The following COPB1 variants were observed in gnomAD, a reference collection of about 807,000 sequenced individuals.
The protein encoded by COPB1 is coatomer subunit beta.
In COPB1, 21 loss-of-function variants were observed where a neutral mutation model predicts 108.7. The ratio of observed to expected loss-of-function variants is 0.19; its 90% confidence interval spans 0.14 to 0.28. COPB1 has a LOEUF of 0.28. Ranked by LOEUF, COPB1 falls within the 10% of genes least tolerant of loss-of-function variation. The pLI is 1.00. For missense variants in COPB1, 919 were observed against 1,141.3 expected, an observed-to-expected ratio of 0.81 and a Z score of 2.81; for synonymous variants, 378 against 386.8, an observed-to-expected ratio of 0.98 and a Z score of 0.27.
chr11:14,458,071 C>G (rs1850066383), intron 21 of COPB1, among the ~76,000 whole-genome samples, 188 bp from the exon 22 acceptor site: 1 of 134,132 alleles, frequency 7.5e-6, no homozygotes, highest in African/African-American at 2.8e-5. Context: ...AAGCCGTCAC[C>G]AGATTTTTTT....
chr11:14,497,122 G>A (rs1478284312), intron 2 of COPB1, among the ~76,000 whole-genome samples: 1 of 152,154 alleles, frequency 6.6e-6, no homozygotes, highest in Non-Finnish European at 1.5e-5. Flanking sequence ...CCAGGACGCT[G>A]GTCTGGCCAA....
intron 14 of COPB1, among the ~76,000 whole-genome samples, chr11:14,471,947 G>A (rs1022160579): frequency 9.9e-5 from 15 of 152,108 alleles, no homozygotes; most frequent in African/African-American, 3.6e-4. Flanking sequence ...TTTAGATCAA[G>A]CTGTTAGTCT....
intron 17 of COPB1, among the ~76,000 whole-genome samples, chr11:14,466,028 A>C (rs1850273753): frequency 6.6e-6 from 1 of 152,252 alleles, no homozygotes; most frequent in Admixed American, 6.5e-5. Flanking sequence ...ATAACTAGAA[A>C]TACTGACATT....
At chr11:14,492,180 C>T (rs1850918766) in intron 4 of COPB1, among the ~76,000 whole-genome samples, 2 of 152,134 alleles carry the variant, frequency 1.3e-5, no homozygotes, top group Non-Finnish European at 2.9e-5. Flanking sequence ...TCACACCTCA[C>T]AAAATTAATA....
At chr11:14,465,409 T>C (rs1342688045) in intron 17 of COPB1, among the ~76,000 whole-genome samples, 1 of 152,158 alleles carries the variant, frequency 6.6e-6, no homozygotes, top group African/African-American at 2.4e-5. Context: ...CATAGCTCAC[T>C]ACAGCCCTGA....
chr11:14,457,551 T>G lies in COPB1; in HGVS notation c.*273A>C, dbSNP rs1589948639. On this transcript the variant is annotated 3_prime_UTR_variant, in exon 22 of 22. Transcript: ENST00000439561. ...CATTTATTTATAAAATAACAAAAAT[T>G]TATGAATAGATCTGTTTATTGTACT... is the stretch of plus-strand genomic sequence containing the variant. The G allele has an allele frequency of 4.9e-6, 1 of 204,196 alleles. No individual in the cohort carries two copies. The highest frequency in any genetic ancestry group is 5.9e-5 in the Admixed American group (1 of 17,048). The allele number at this position is 204,196 out of a possible 1,614,324, so 12.6% of individuals were successfully genotyped here.
rs184304510 is a variant in COPB1, at chr11:14,474,777, A to C, written c.1617-162T>G. Among the ~76,000 whole-genome samples the C allele has an allele frequency of 1.4e-4, 21 of 152,294 alleles. 1 individual carries two copies. The South Asian group carries it at 3.9e-3, about 29-fold the overall frequency. Reference sequence around the variant, plus strand: ...CCTTAGCTCCCAGAAGAAAGAAGGAAAAAGAAAAATAATACATGACTTTAA... The same window carrying C: ...CCTTAGCTCCCAGAAGAAAGAAGGACAAAGAAAAATAATACATGACTTTAA... On this transcript the variant is annotated intron_variant, in intron 13 of 21. Coordinates refer to ENST00000439561, the MANE Select transcript of COPB1 (RefSeq NM_001144061.2).
intron 7 of COPB1, among the ~76,000 whole-genome samples, chr11:14,485,572 C>T (rs968924950): frequency 2.6e-5 from 4 of 152,192 alleles, no homozygotes; most frequent in African/African-American, 7.2e-5. Context: ...TGTGGCCAGG[C>T]GCGGTGGCTT....
chr11:14,498,733 A>G (rs1851082269), intron 2 of COPB1, 105 bp downstream of exon 2: 1 of 883,270 alleles, frequency 1.1e-6, no homozygotes, highest in African/African-American at 1.7e-5. Flanking sequence ...GAAAAACTTT[A>G]GACAAAAATT....
At chr11:14,477,851 C>T (rs1297077332) in intron 11 of COPB1, among the ~76,000 whole-genome samples, 8 of 148,784 alleles carry the variant, frequency 5.4e-5, no homozygotes, top group East Asian at 2.0e-4. Context: ...GAGCCGAGAT[C>T]GCGCCACTGC....
chr11:14,491,883 T>C (rs1850913634), intron 4 of COPB1, among the ~76,000 whole-genome samples: 2 of 152,224 alleles, frequency 1.3e-5, no homozygotes. Context: ...CATAGTCCCT[T>C]GAATTTTATT....
chr11:14,477,586 G>A (rs1245803237), intron 11 of COPB1, among the ~76,000 whole-genome samples: 1 of 148,994 alleles, frequency 6.7e-6, no homozygotes, highest in Non-Finnish European at 1.5e-5. Flanking sequence ...CAGCTATTGA[G>A]GAAACTGAGG....
intron 16 of COPB1, 93 bp from the exon 17 acceptor site, chr11:14,466,519 C>T: frequency 7.6e-7 from 1 of 1,308,030 alleles, no homozygotes; most frequent in Non-Finnish European, 1.0e-6. Context: ...AGGTTATTAA[C>T]AGAGTTGCTT....
intron 16 of COPB1, 116 bp downstream of exon 16, chr11:14,468,565 T>A: frequency 2.1e-6 from 2 of 954,290 alleles, no homozygotes; most frequent in South Asian, 1.6e-5. Context: ...TGAGGTTTAA[T>A]GGACCTATCA....
chr11:14,487,206 AAGTC>A (rs1181475478), intron 6 of COPB1, among the ~76,000 whole-genome samples: 2 of 152,102 alleles, frequency 1.3e-5, no homozygotes, highest in Non-Finnish European at 2.9e-5. Context: ...TTCTCTTTTG[AAGTC>A]AGTATTTGTA....
chr11:14,464,419 T>C (rs1249067856), intron 18 of COPB1, among the ~76,000 whole-genome samples: 1 of 152,222 alleles, frequency 6.6e-6, no homozygotes, highest in Non-Finnish European at 1.5e-5. Flanking sequence ...CATTTGTTCC[T>C]CACCATGGTA....
At chr11:14,483,010 C>A in intron 8 of COPB1, 22 bp downstream of exon 8, 3 of 1,519,786 alleles carry the variant, frequency 2.0e-6, no homozygotes, top group South Asian at 1.2e-5. Flanking sequence ...TTTAGGATCT[C>A]TCTTTTTCAG....
chr11:14,477,959 T>C (rs1342088298), intron 11 of COPB1, among the ~76,000 whole-genome samples: 1 of 147,184 alleles, frequency 6.8e-6, no homozygotes, highest in African/African-American at 2.5e-5. Context: ...TGCCCTGAGA[T>C]AGCGCCACTG....
chr11:14,474,751 T>C, intron 13 of COPB1, 136 bp from the exon 14 acceptor site: 1 of 1,262,122 alleles, frequency 7.9e-7, no homozygotes, highest in Non-Finnish European at 1.1e-6. Flanking sequence ...GCTAACTAAC[T>C]CCTTAGCTCC....
Sources: allele counts gnomAD v4.1 joint callset (sites outside exome capture counted in the v4.1 genomes callset), GRCh38; gene constraint gnomAD v4.1.1; transcripts MANE v1.5; gene names NCBI Gene and HGNC (gene_info 2026-07-23, HGNC 2026-07-21).